The following SMAP1 variants were observed in gnomAD, a reference collection of about 807,000 sequenced individuals.
SMAP1 encodes small ArfGAP 1.
Under a neutral mutation model 58.5 loss-of-function variants are expected in SMAP1, and 24 were observed. That is an observed-to-expected ratio of 0.41 (90% confidence interval 0.30 to 0.58). The LOEUF (loss-of-function observed/expected upper bound fraction) is 0.58. Ranked by LOEUF, SMAP1 falls within the 20% of genes least tolerant of loss-of-function variation. The probability of loss-of-function intolerance (pLI) is 0.29; values close to 1 mark genes in which losing one functional copy is unlikely to be tolerated. For missense variants in SMAP1, 563 were observed against 566.3 expected, an observed-to-expected ratio of 0.99 and a Z score of 0.06; for synonymous variants, 216 against 196.6, an observed-to-expected ratio of 1.10 and a Z score of -0.82.
chr6:70,724,279 C>A (rs1441412161), intron 1 of SMAP1, among the ~76,000 whole-genome samples: 1 of 151,896 alleles, frequency 6.6e-6, no homozygotes, highest in African/African-American at 2.4e-5. Context: ...TCACTGCAAC[C>A]TTTGCCTCCT....
At chr6:70,725,093 G>GATTTTTTTTTTTTTTTTTT (rs1768710050) in intron 1 of SMAP1, among the ~76,000 whole-genome samples, 1 of 47,778 alleles carries the variant, frequency 2.1e-5, no homozygotes. Context: ...ATTAACCAGT[G>GATTTTTTTTTTTTTTTTTT]TTTTTTTTTT....
intron 3 of SMAP1, chr6:70,759,956 C>A: frequency 5.1e-6 from 2 of 393,474 alleles, no homozygotes; most frequent in Non-Finnish European, 1.0e-5. Context: ...AACTCGGTGA[C>A]ATAGAGCATA....
At chr6:70,849,201 T>G (rs1489015654) in intron 7 of SMAP1, among the ~76,000 whole-genome samples, 2 of 152,134 alleles carry the variant, frequency 1.3e-5, no homozygotes, top group Non-Finnish European at 2.9e-5. Flanking sequence ...AAGTCTTCCT[T>G]AATCAATTGA....
chr6:70,847,903 G>A (rs1771051833), intron 7 of SMAP1, among the ~76,000 whole-genome samples: 1 of 152,106 alleles, frequency 6.6e-6, no homozygotes, highest in South Asian at 2.1e-4. Context: ...GTGTGTGTGT[G>A]TGTGTTTGTG....
chr6:70,817,569 A>G (rs1769694094), intron 6 of SMAP1, among the ~76,000 whole-genome samples: 1 of 152,076 alleles, frequency 6.6e-6, no homozygotes, highest in African/African-American at 2.4e-5. Context: ...ATGACAACCA[A>G]ATAGTCCAGG....
chr6:70,770,885 T>A (rs1382265681), intron 3 of SMAP1, among the ~76,000 whole-genome samples: 1 of 152,190 alleles, frequency 6.6e-6, no homozygotes, highest in Non-Finnish European at 1.5e-5. Flanking sequence ...TGGTTTTATC[T>A]ACTTTTGGTC....
intron 1 of SMAP1, among the ~76,000 whole-genome samples, chr6:70,727,140 C>T (rs1367898140): frequency 6.6e-6 from 1 of 151,996 alleles, no homozygotes; most frequent in Non-Finnish European, 1.5e-5. Context: ...CAGCGTCTCC[C>T]TCTGTCACCC....
At chr6:70,680,897 T>G (rs1291171831) in intron 1 of SMAP1, among the ~76,000 whole-genome samples, 1 of 151,878 alleles carries the variant, frequency 6.6e-6, no homozygotes, top group Non-Finnish European at 1.5e-5. Flanking sequence ...TTTTGTATTT[T>G]TAGCAGAGGC....
intron 10 of SMAP1, chr6:70,859,448 T>TAATCAGGCA: frequency 2.3e-6 from 3 of 1,325,104 alleles, no homozygotes; most frequent in African/African-American, 1.5e-5. Context: ...CTTCAGACAC[T>TAATCAGGCA]TATGCCTGAT....
At chr6:70,707,327 G>T (rs1356828742) in intron 1 of SMAP1, among the ~76,000 whole-genome samples, 3 of 151,820 alleles carry the variant, frequency 2.0e-5, no homozygotes, top group Non-Finnish European at 4.4e-5. Context: ...TCTTAAATTG[G>T]TAATCCTAAA....
At chr6:70,721,348 G>T (rs766190391) in intron 1 of SMAP1, among the ~76,000 whole-genome samples, 4 of 152,136 alleles carry the variant, frequency 2.6e-5, no homozygotes, top group Non-Finnish European at 5.9e-5. Flanking sequence ...CAATCTCTAT[G>T]CTAAAACATA....
At chr6:70,810,326 A>T (rs190275982) in intron 6 of SMAP1, among the ~76,000 whole-genome samples, 2 of 152,154 alleles carry the variant, frequency 1.3e-5, no homozygotes, top group African/African-American at 4.8e-5. Flanking sequence ...TAGGTTTTTG[A>T]TAGTCTCTTT....
intron 4 of SMAP1, 86 bp from the exon 5 acceptor site, chr6:70,791,603 C>G: frequency 9.2e-7 from 1 of 1,091,736 alleles, no homozygotes; most frequent in Non-Finnish European, 1.3e-6. Flanking sequence ...CAAAAATATA[C>G]AGGGATTTTT....
chr6:70,809,295 A>T (rs1020254428), intron 6 of SMAP1, among the ~76,000 whole-genome samples: 6 of 152,034 alleles, frequency 3.9e-5, no homozygotes, highest in African/African-American at 1.4e-4. Context: ...ATAATGATTT[A>T]AAAAAAATTA....
At chr6:70,836,834 A>G (rs545583389) in intron 6 of SMAP1, 107 bp from the exon 7 acceptor site, 3 of 864,062 alleles carry the variant, frequency 3.5e-6, no homozygotes, top group East Asian at 2.9e-5. Context: ...ACTATGTTTC[A>G]TATTTTTTTT....
intron 1 of SMAP1, among the ~76,000 whole-genome samples, chr6:70,676,103 G>A (rs1224669487): frequency 1.3e-5 from 2 of 152,174 alleles, no homozygotes; most frequent in East Asian, 3.9e-4. Flanking sequence ...TCAACTGGAA[G>A]GGAGCACCCG....
At chr6:70,723,553 C>T (rs766565004) in intron 1 of SMAP1, among the ~76,000 whole-genome samples, 4 of 152,192 alleles carry the variant, frequency 2.6e-5, no homozygotes, top group African/African-American at 9.7e-5. Context: ...CCCTTTCTCA[C>T]CTGTACTCCC....
chr6:70,674,982 A>G (rs1186235880), intron 1 of SMAP1, among the ~76,000 whole-genome samples: 1 of 152,130 alleles, frequency 6.6e-6, no homozygotes, highest in Non-Finnish European at 1.5e-5. Context: ...CCATCTCAAA[A>G]AAACAAAAAC....
At position 70,759,044 on chromosome 6, in the gene SMAP1, A is replaced by T. The variant is rs575775993; in HGVS notation, c.338+3979A>T. Among the ~76,000 whole-genome samples, 8 of 152,200 alleles carry T rather than the reference A, an allele frequency of 5.3e-5. No individual in the cohort carries two copies. The East Asian group carries it at 1.5e-3, about 29-fold the overall frequency. On this transcript the variant is annotated intron_variant, in intron 3 of 10. Coordinates refer to ENST00000370455, the MANE Select transcript of SMAP1 (RefSeq NM_001044305.3). ...TGAGGAGTCGCTTAGCATGTAGGTG[A>T]TGATATAAAGTGCTGGGTCAGCTTA...
Sources: gnomAD v4.1 joint callset for allele counts (sites outside exome capture counted in the v4.1 genomes callset) on GRCh38, gnomAD v4.1.1 for gene constraint, MANE v1.5 for transcripts, NCBI Gene and HGNC (gene_info 2026-07-23, HGNC 2026-07-21) for gene names.